Variants in BBX observed in about 807,000 individuals in gnomAD.
BBX encodes the protein HMG box transcription factor BBX.
In BBX, 30 loss-of-function variants were observed where a neutral mutation model predicts 100.2. The ratio of observed to expected loss-of-function variants is 0.30; its 90% CI spans 0.22 to 0.41. The LOEUF (loss-of-function observed/expected upper bound fraction) is 0.41. BBX is among the 10% of genes least tolerant of loss of function. BBX has a pLI of 1.00. For missense variants in BBX, 1,023 were observed against 1,129.8 expected, an observed-to-expected ratio of 0.91 and a Z score of 1.35; for synonymous variants, 376 against 388.1, an observed-to-expected ratio of 0.97 and a Z score of 0.37.
At chr3:107,577,902 T>C (rs573079090) in intron 2 of BBX, among the ~76,000 whole-genome samples, 6 of 152,082 alleles carry the variant, frequency 3.9e-5, no homozygotes, top group Non-Finnish European at 8.8e-5. Flanking sequence ...TACTGTCTTA[T>C]CTCAAGAAAG....
At chr3:107,782,283 G>C (rs1238659661) in intron 13 of BBX, among the ~76,000 whole-genome samples, 2 of 151,920 alleles carry the variant, frequency 1.3e-5, no homozygotes, top group Non-Finnish European at 2.9e-5. Flanking sequence ...CTGCAGGTGG[G>C]AGCACATTGC....
intron 2 of BBX, among the ~76,000 whole-genome samples, chr3:107,568,267 T>TA (rs2051072395): frequency 8.7e-6 from 1 of 114,402 alleles, no homozygotes; most frequent in Admixed American, 9.1e-5. Context: ...TTTCTGCTAT[T>TA]TTTTTTTTTT....
chr3:107,803,842 C>A (rs1186224466), intron 17 of BBX, among the ~76,000 whole-genome samples: 1 of 152,144 alleles, frequency 6.6e-6, no homozygotes, highest in Admixed American at 6.6e-5. Context: ...ATAGTCCTCT[C>A]CCACTGTGAT....
At chr3:107,674,146 G>T (rs2059163477) in intron 3 of BBX, among the ~76,000 whole-genome samples, 1 of 152,104 alleles carries the variant, frequency 6.6e-6, no homozygotes, top group Non-Finnish European at 1.5e-5. Context: ...TTAAAAATTG[G>T]AAATACATGT....
intron 3 of BBX, among the ~76,000 whole-genome samples, chr3:107,651,809 T>C (rs1311157572): frequency 6.6e-6 from 1 of 152,206 alleles, no homozygotes; most frequent in Non-Finnish European, 1.5e-5. Flanking sequence ...CATCAGCTTC[T>C]AAATTAGGTA....
At chr3:107,761,992 G>A (rs767733289) in intron 10 of BBX, among the ~76,000 whole-genome samples, 9 of 152,164 alleles carry the variant, frequency 5.9e-5, no homozygotes, top group South Asian at 2.1e-4. Flanking sequence ...CTACACTATC[G>A]TCATATAAAT....
chr3:107,792,244 T>G (rs2069137605), intron 15 of BBX, among the ~76,000 whole-genome samples: 2 of 152,234 alleles, frequency 1.3e-5, no homozygotes, highest in Admixed American at 1.3e-4. Context: ...AGAGCTGACA[T>G]TTTTGTAGGG....
chr3:107,714,058 C>A (rs936786025), intron 4 of BBX, among the ~76,000 whole-genome samples: 15 of 145,606 alleles, frequency 1.0e-4, no homozygotes, highest in African/African-American at 3.8e-4. Flanking sequence ...TCACTGCAGC[C>A]TCCTCCTCCC....
chr3:107,729,629 A>G (rs1053819646), intron 6 of BBX, among the ~76,000 whole-genome samples: 11 of 152,198 alleles, frequency 7.2e-5, no homozygotes, highest in African/African-American at 2.7e-4. Context: ...TTTCTTAGCT[A>G]TTACAGTGCA....
chr3:107,706,792 C>A (rs1324745647), intron 3 of BBX, among the ~76,000 whole-genome samples: 1 of 152,158 alleles, frequency 6.6e-6, no homozygotes, highest in Non-Finnish European at 1.5e-5. Context: ...CAAAAATTAA[C>A]AATTTTACCT....
At chr3:107,614,769 G>A (rs1462498019) in intron 2 of BBX, among the ~76,000 whole-genome samples, 4 of 151,930 alleles carry the variant, frequency 2.6e-5, no homozygotes, top group Non-Finnish European at 5.9e-5. Flanking sequence ...TAAATCTGTG[G>A]ATGTGAAACC....
At chr3:107,739,510 G>T (rs1174016789) in intron 7 of BBX, among the ~76,000 whole-genome samples, 1 of 152,136 alleles carries the variant, frequency 6.6e-6, no homozygotes, top group Non-Finnish European at 1.5e-5. Flanking sequence ...TGGGGCTCAA[G>T]CCCAGATAAT....
chr3:107,716,391 C>T, intron 4 of BBX: 1 of 566,306 alleles, frequency 1.8e-6, no homozygotes. Context: ...TAGAGACATG[C>T]ACAGGTTGCT....
chr3:107,700,087 A>G (rs1448364500), intron 3 of BBX, among the ~76,000 whole-genome samples: 1 of 151,956 alleles, frequency 6.6e-6, no homozygotes, highest in Non-Finnish European at 1.5e-5. Context: ...GCCAGTTTGT[A>G]CAAAGAAAGA....
intron 2 of BBX, among the ~76,000 whole-genome samples, chr3:107,632,310 C>G (rs2056599197): frequency 6.6e-6 from 1 of 152,038 alleles, no homozygotes; most frequent in Non-Finnish European, 1.5e-5. Context: ...GTCTCAAACT[C>G]TTGACCTCAG....
chr3:107,556,042 G>C (rs939118431), intron 2 of BBX, among the ~76,000 whole-genome samples: 1 of 152,110 alleles, frequency 6.6e-6, no homozygotes, highest in Non-Finnish European at 1.5e-5. Flanking sequence ...TTGATGTCAG[G>C]GTTGAGAAAG....
At chr3:107,622,030 T>C (rs1434094984) in intron 2 of BBX, among the ~76,000 whole-genome samples, 1 of 152,202 alleles carries the variant, frequency 6.6e-6, no homozygotes, top group East Asian at 1.9e-4. Context: ...GTACAGTTCT[T>C]TGTTAAAATT....
At chr3:107,694,536 G>C (rs1266105022) in intron 3 of BBX, among the ~76,000 whole-genome samples, 3 of 145,496 alleles carry the variant, frequency 2.1e-5, no homozygotes, top group Non-Finnish European at 4.5e-5. Context: ...TGCATCCCAG[G>C]GATGAAGCCC....
intron 3 of BBX, among the ~76,000 whole-genome samples, chr3:107,656,484 C>T (rs1448149901): frequency 2.0e-5 from 3 of 152,054 alleles, no homozygotes; most frequent in African/African-American, 7.2e-5. Flanking sequence ...ATGTAAACAT[C>T]CAAACCATAA....
Sources: allele counts gnomAD v4.1 joint callset (sites outside exome capture counted in the v4.1 genomes callset), GRCh38; gene constraint gnomAD v4.1.1; transcripts MANE v1.5; gene names NCBI Gene and HGNC (gene_info 2026-07-23, HGNC 2026-07-21).